The following FILIP1 variants were observed in gnomAD, a reference collection of about 807,000 sequenced individuals.
FILIP1 encodes filamin-A-interacting protein 1.
Under a neutral mutation model 102.1 loss-of-function variants are expected in FILIP1, and 61 were observed. The observed-to-expected ratio is 0.60, with a 90% CI of 0.49 to 0.74. FILIP1 has a LOEUF of 0.74. Among genes scored for constraint, FILIP1 ranks in the 30% least tolerant of loss-of-function variants. The pLI, the probability that FILIP1 is intolerant of heterozygous loss-of-function variation, is 0.00. For missense variants in FILIP1, 1,314 were observed against 1,441.2 expected, an observed-to-expected ratio of 0.91 and a Z score of 1.43; for synonymous variants, 491 against 526.9, an observed-to-expected ratio of 0.93 and a Z score of 0.93.
At chr6:75,399,754 A>G (rs1776590956) in intron 2 of FILIP1, among the ~76,000 whole-genome samples, 1 of 152,170 alleles carries the variant, frequency 6.6e-6, no homozygotes, top group Admixed American at 6.6e-5. Context: ...AAATCCTGGC[A>G]TATATTAGGC....
intron 2 of FILIP1, among the ~76,000 whole-genome samples, chr6:75,396,235 C>A (rs7765871): frequency 1.0e-3 from 154 of 151,286 alleles, no homozygotes; most frequent in African/African-American, 3.5e-3. Flanking sequence ...AGTGGTGAGC[C>A]GGGGTCAGCC....
intron 1 of FILIP1, among the ~76,000 whole-genome samples, chr6:75,474,194 TTTA>T (rs1779410269): frequency 1.3e-5 from 2 of 152,230 alleles, no homozygotes. Flanking sequence ...CTGTAATGCA[TTTA>T]TTTTTACTGA....
chr6:75,307,961 A>T (rs1314283844), downstream of FILIP1: 1 of 850,498 alleles, frequency 1.2e-6, no homozygotes, highest in Non-Finnish European at 1.4e-6. Context: ...GCACACTTGA[A>T]TAGAGCACGA....
At chr6:75,472,391 G>A (rs990962506) in intron 1 of FILIP1, among the ~76,000 whole-genome samples, 4 of 152,042 alleles carry the variant, frequency 2.6e-5, no homozygotes, top group African/African-American at 9.7e-5. Context: ...TAATTTAATA[G>A]AACAGTCTTC....
intron 4 of FILIP1, among the ~76,000 whole-genome samples, chr6:75,340,282 C>T (rs757659372): frequency 6.6e-6 from 1 of 151,912 alleles, no homozygotes; most frequent in African/African-American, 2.4e-5. Context: ...AATGTAAATG[C>T]TAAATTTTCT....
At chr6:75,440,166 G>C (rs1778161346) in intron 1 of FILIP1, among the ~76,000 whole-genome samples, 1 of 151,930 alleles carries the variant, frequency 6.6e-6, no homozygotes, top group Non-Finnish European at 1.5e-5. Context: ...ATCCATCACG[G>C]GCTCTTTGGG....
At chr6:75,453,597 G>A (rs1778713525) in intron 1 of FILIP1, among the ~76,000 whole-genome samples, 1 of 152,106 alleles carries the variant, frequency 6.6e-6, no homozygotes, top group Non-Finnish European at 1.5e-5. Context: ...GATTGCTTGA[G>A]ACCAGAAGTT....
chr6:75,476,292 C>T (rs1289297807), intron 1 of FILIP1, among the ~76,000 whole-genome samples: 1 of 150,146 alleles, frequency 6.7e-6, no homozygotes, highest in Non-Finnish European at 1.5e-5. Flanking sequence ...CAGGTGACAG[C>T]TTAGAGATTG....
intron 1 of FILIP1, among the ~76,000 whole-genome samples, chr6:75,442,518 G>A (rs1266717168): frequency 1.3e-5 from 2 of 152,188 alleles, no homozygotes; most frequent in African/African-American, 4.8e-5. Flanking sequence ...TCGGGAGGCC[G>A]AGGCTGGCGG....
intron 1 of FILIP1, among the ~76,000 whole-genome samples, chr6:75,463,354 A>G (rs1779078482): frequency 6.6e-6 from 1 of 152,248 alleles, no homozygotes; most frequent in Non-Finnish European, 1.5e-5. Context: ...TTGTTCTATT[A>G]TAACCTAATT....
chr6:75,415,066 T>A, intron 1 of FILIP1, 88 bp from the exon 2 acceptor site: 1 of 1,217,958 alleles, frequency 8.2e-7, no homozygotes, highest in Non-Finnish European at 1.2e-6. Flanking sequence ...TATAGCAGCT[T>A]TACCACATCG....
At chr6:75,483,377 G>A (rs1779699767) in intron 1 of FILIP1, among the ~76,000 whole-genome samples, 1 of 152,146 alleles carries the variant, frequency 6.6e-6, no homozygotes, top group African/African-American at 2.4e-5. Context: ...AGTCCAGACA[G>A]AGGAATCCCA....
intron 1 of FILIP1, among the ~76,000 whole-genome samples, chr6:75,442,260 A>C (rs1344748444): frequency 1.3e-5 from 2 of 150,822 alleles, no homozygotes; most frequent in Non-Finnish European, 1.5e-5. Flanking sequence ...GACGCTCCTC[A>C]CTTTCCAGAC....
intron 2 of FILIP1, among the ~76,000 whole-genome samples, chr6:75,372,649 GAA>G (rs1229983751): frequency 0.016 from 936 of 57,376 alleles, 33 homozygotes; most frequent in African/African-American, 0.074. Flanking sequence ...AAGAAAGAAA[GAA>G]AGAAAGAAAG....
intron 4 of FILIP1, among the ~76,000 whole-genome samples, chr6:75,334,946 A>G (rs1774193007): frequency 6.6e-6 from 1 of 152,188 alleles, no homozygotes; most frequent in African/African-American, 2.4e-5. Context: ...GAAGCAAAGC[A>G]AGTGAATGGG....
chr6:75,355,390 GA>G (rs1774955816), intron 3 of FILIP1, among the ~76,000 whole-genome samples: 1 of 144,544 alleles, frequency 6.9e-6, no homozygotes, highest in African/African-American at 2.6e-5. Flanking sequence ...CAGGTTATAA[GA>G]TTTTTTTTTT....
At chr6:75,402,632 G>A (rs557911118) in intron 2 of FILIP1, among the ~76,000 whole-genome samples, 8 of 152,250 alleles carry the variant, frequency 5.3e-5, no homozygotes, top group South Asian at 2.1e-4. Flanking sequence ...AAAGAAAAAA[G>A]TGATAAATGG....
chr6:75,305,479 C>T (rs1057384621), downstream of FILIP1, among the ~76,000 whole-genome samples: 2 of 152,160 alleles, frequency 1.3e-5, no homozygotes, highest in Admixed American at 6.5e-5. Context: ...TTAACGAATA[C>T]CCTAAAATCT....
intron 1 of FILIP1, among the ~76,000 whole-genome samples, chr6:75,487,224 T>A (rs1014532621): frequency 1.3e-5 from 2 of 152,206 alleles, no homozygotes; most frequent in African/African-American, 2.4e-5. Context: ...TCAAGACTTA[T>A]AGAATAATTA....
Sources: allele counts gnomAD v4.1 joint callset (sites outside exome capture counted in the v4.1 genomes callset), GRCh38; gene constraint gnomAD v4.1.1; transcripts MANE v1.5; gene names NCBI Gene and HGNC (gene_info 2026-07-23, HGNC 2026-07-21).